AGPS: variants seen among roughly 807,000 people sequenced by gnomAD.
AGPS encodes the protein alkylglycerone phosphate synthase.
In AGPS, 26 loss-of-function variants were observed where a neutral mutation model predicts 90.7. The ratio of observed to expected loss-of-function variants is 0.29; its 90% CI spans 0.21 to 0.40. AGPS has a LOEUF of 0.40. Ranked by LOEUF, AGPS falls within the 10% of genes least tolerant of loss-of-function variation. The pLI is 1.00. For synonymous variants in AGPS, 294 were observed against 285.3 expected, an observed-to-expected ratio of 1.03 and a Z score of -0.31; for missense variants, 540 against 816.1, an observed-to-expected ratio of 0.66 and a Z score of 4.12.
intron 12 of AGPS, among the ~76,000 whole-genome samples, chr2:177,495,438 C>G (rs1688382872): frequency 6.6e-6 from 1 of 152,080 alleles, no homozygotes; most frequent in Non-Finnish European, 1.5e-5. Flanking sequence ...TAGGGATGAA[C>G]CCAGATTTGT....
chr2:177,464,484 G>A (rs1203469897), intron 9 of AGPS, among the ~76,000 whole-genome samples: 1 of 152,152 alleles, frequency 6.6e-6, no homozygotes, highest in African/African-American at 2.4e-5. Flanking sequence ...TTTGAAAAAA[G>A]TTGAAGATAG....
chr2:177,465,525 C>T (rs564552657), intron 9 of AGPS, among the ~76,000 whole-genome samples: 40 of 152,282 alleles, frequency 2.6e-4, no homozygotes, highest in Admixed American at 5.2e-4. Flanking sequence ...TGCTTGCCAA[C>T]GGCGAGCCAG....
intron 8 of AGPS, among the ~76,000 whole-genome samples, chr2:177,453,564 C>A (rs1352409973): frequency 6.6e-6 from 1 of 152,004 alleles, no homozygotes; most frequent in Non-Finnish European, 1.5e-5. Flanking sequence ...GCCACCACAG[C>A]CAGCCTAGGT....
intron 8 of AGPS, among the ~76,000 whole-genome samples, chr2:177,449,319 A>G (rs1261299275): frequency 6.6e-6 from 1 of 152,232 alleles, no homozygotes; most frequent in Non-Finnish European, 1.5e-5. Flanking sequence ...AGCACTGTAT[A>G]AGAGTTCCAG....
At chr2:177,424,494 T>C (rs1430213621) in intron 2 of AGPS, among the ~76,000 whole-genome samples, 1 of 152,118 alleles carries the variant, frequency 6.6e-6, no homozygotes, top group African/African-American at 2.4e-5. Context: ...TCTGTATGCC[T>C]CTGAATAGTA....
At chr2:177,514,280 A>G (rs905881336) in intron 17 of AGPS, among the ~76,000 whole-genome samples, 67 of 152,176 alleles carry the variant, frequency 4.4e-4, no homozygotes, top group African/African-American at 1.6e-3. Flanking sequence ...GAGTGAAGGC[A>G]GTGTTTTGTT....
Position 177,468,399 on chromosome 2 carries a change from T to C in AGPS, c.997-17T>C. 6.9e-7 allele frequency: 1 copy of C among 1,440,386 alleles called. No individual in the cohort carries two copies. Among genetic ancestry groups the C allele is most frequent in the Non-Finnish European group, 9.8e-7 (1 of 1,024,008 alleles). 89.2% of individuals were successfully genotyped at this position (1,440,386 alleles called of 1,614,324 possible). On this transcript the variant is annotated splice_polypyrimidine_tract_variant and intron_variant, in intron 9 of 19. Transcript: ENST00000264167. ...TAACAGATGTCTAGAATTTACATCG[T>C]GTATTGTATTAAACAGGTGGTTCAT... is the stretch of plus-strand genomic sequence containing the variant.
At position 177,538,916 on chromosome 2, in the gene AGPS, T is replaced by C. The variant is rs578255875; in HGVS notation, c.*721T>C. 1 of 152,164 alleles carries C rather than the reference T, an allele frequency of 6.6e-6. No homozygotes were observed. The highest frequency in any genetic ancestry group is 2.4e-5 in the African/African-American group (1 of 41,566). 9.4% of individuals were successfully genotyped at this position (152,164 alleles called of 1,614,324 possible). A position where few individuals can be genotyped will look rare whatever the true frequency, so the allele number is the denominator to read the frequency against. On this transcript the variant is annotated 3_prime_UTR_variant, in exon 20 of 20. Transcript: ENST00000264167. Reference sequence around the variant, plus strand: ...ATATTCTAATTCATTGATAATATGTTTTGTAAGAAAAGCTGACATCCTTCA... The same window carrying C: ...ATATTCTAATTCATTGATAATATGTCTTGTAAGAAAAGCTGACATCCTTCA...
chr2:177,532,366 A>G (rs1475396182), intron 19 of AGPS, among the ~76,000 whole-genome samples: 1 of 152,188 alleles, frequency 6.6e-6, no homozygotes, highest in East Asian at 1.9e-4. Context: ...AAAAATGTTC[A>G]ACATCGTTAG....
chr2:177,526,370 C>T (rs2079087733), intron 19 of AGPS, among the ~76,000 whole-genome samples: 1 of 151,878 alleles, frequency 6.6e-6, no homozygotes, highest in South Asian at 2.1e-4. Context: ...GCTGGGATTA[C>T]AGGCATGCGC....
At chr2:177,507,159 C>T (rs1402142331) in intron 15 of AGPS, among the ~76,000 whole-genome samples, 2 of 151,916 alleles carry the variant, frequency 1.3e-5, no homozygotes, top group Non-Finnish European at 2.9e-5. Context: ...TGCTTTAGAT[C>T]AGATCAGTAA....
chr2:177,538,487 A>G lies in AGPS; in HGVS notation c.*292A>G, dbSNP rs2079203497. On this transcript the variant is annotated 3_prime_UTR_variant, in exon 20 of 20. Transcript: ENST00000264167. ...AATTATTCCAGAGGAAGCTGCTGCC[A>G]GCTGTTTTGTATTGTTGCTTCCTCT... The G allele has an allele frequency of 5.0e-6, 2 of 398,942 alleles. No individual in the cohort carries two copies. Among genetic ancestry groups the G allele is most frequent in the Non-Finnish European group, 9.3e-6 (2 of 216,156 alleles). 24.7% of individuals were successfully genotyped at this position (398,942 alleles called of 1,614,324 possible).
At chr2:177,510,537 A>T (rs564861274) in intron 16 of AGPS, among the ~76,000 whole-genome samples, 1 of 152,294 alleles carries the variant, frequency 6.6e-6, no homozygotes, top group East Asian at 1.9e-4. Flanking sequence ...GATGATTGAC[A>T]TCTTGTTTTT....
intron 1 of AGPS, among the ~76,000 whole-genome samples, chr2:177,410,541 G>C (rs548726349): frequency 1.3e-5 from 2 of 152,182 alleles, no homozygotes; most frequent in Non-Finnish European, 2.9e-5. Context: ...TAACAAAGGA[G>C]TGGGGCTTTC....
chr2:177,476,842 A>T (rs180739583), intron 10 of AGPS, among the ~76,000 whole-genome samples: 1 of 152,032 alleles, frequency 6.6e-6, no homozygotes, highest in East Asian at 1.9e-4. Context: ...GTGCCTTGTT[A>T]TTAGGTGCAT....
chr2:177,505,983 T>A (rs897588098), intron 15 of AGPS, among the ~76,000 whole-genome samples: 3 of 151,978 alleles, frequency 2.0e-5, no homozygotes, highest in African/African-American at 7.2e-5. Flanking sequence ...TAGTTATTTG[T>A]TCACTGATGA....
At chr2:177,479,899 G>A (rs1420647603) in intron 10 of AGPS, among the ~76,000 whole-genome samples, 1 of 152,160 alleles carries the variant, frequency 6.6e-6, no homozygotes, top group Non-Finnish European at 1.5e-5. Flanking sequence ...TGTATTTTGG[G>A]GCCGGGTGCA....
intron 16 of AGPS, among the ~76,000 whole-genome samples, chr2:177,509,199 A>G (rs543022678): frequency 1.3e-5 from 2 of 152,286 alleles, no homozygotes; most frequent in South Asian, 4.1e-4. Flanking sequence ...ATTGTTAGCT[A>G]GTAACCCAGT....
Position 177,467,019 on chromosome 2 carries a change from C to G in AGPS, c.997-1397C>G, listed in dbSNP as rs1363166074. Among the ~76,000 whole-genome samples the G allele has an allele frequency of 3.9e-5, 6 of 151,922 alleles. No individual in the cohort carries two copies. The East Asian group carries it at 9.7e-4, about 24-fold the overall frequency. ...TCTGCCAACTAGGAAGGGGGTGGGGCTTCCACCTGTTTCCAGCTCCCGTTG... is the reference window on the plus strand; with the variant it reads ...TCTGCCAACTAGGAAGGGGGTGGGGGTTCCACCTGTTTCCAGCTCCCGTTG... On this transcript the variant is annotated intron_variant, in intron 9 of 19. Coordinates refer to ENST00000264167, the MANE Select transcript of AGPS (RefSeq NM_003659.4).
Sources: allele counts gnomAD v4.1 joint callset (sites outside exome capture counted in the v4.1 genomes callset), GRCh38; gene constraint gnomAD v4.1.1; transcripts MANE v1.5; gene names NCBI Gene and HGNC (gene_info 2026-07-23, HGNC 2026-07-21).